Variants in PPFIBP2 observed in about 807,000 individuals in gnomAD.
PPFIBP2 encodes liprin-beta-2.
A neutral mutation model predicts 118.3 loss-of-function variants in PPFIBP2; 118 were observed. The ratio of observed to expected loss-of-function variants is 1.00; its 90% CI spans 0.86 to 1.16. PPFIBP2 has a LOEUF of 1.16. Ranked by LOEUF, PPFIBP2 falls within the 50% of genes most tolerant of loss-of-function variation. The pLI is 0.00. For missense variants in PPFIBP2, 1,195 were observed against 1,073.1 expected (o/e 1.11, Z -1.59); for synonymous variants, 414 against 397.4 (o/e 1.04, Z -0.50).
At chr11:7,559,007 C>G (rs1393091974) in intron 2 of PPFIBP2, among the ~76,000 whole-genome samples, 1 of 152,112 alleles carries the variant, frequency 6.6e-6, no homozygotes, top group Non-Finnish European at 1.5e-5. Flanking sequence ...CAGGTCACAC[C>G]TCAGACCAAT....
At chr11:7,570,385 C>G (rs1200656320) in intron 3 of PPFIBP2, among the ~76,000 whole-genome samples, 1 of 152,128 alleles carries the variant, frequency 6.6e-6, no homozygotes, top group African/African-American at 2.4e-5. Context: ...GCTTCTCTAA[C>G]AGTATGTTAT....
At chr11:7,618,685 A>G (rs1182562614) in intron 6 of PPFIBP2, among the ~76,000 whole-genome samples, 1 of 152,102 alleles carries the variant, frequency 6.6e-6, no homozygotes, top group African/African-American at 2.4e-5. Flanking sequence ...ACCTTAGCTG[A>G]GAAGTTTTCT....
At chr11:7,633,225 C>T (rs1486124939) in intron 12 of PPFIBP2, among the ~76,000 whole-genome samples, 13 of 152,214 alleles carry the variant, frequency 8.5e-5, no homozygotes, top group Non-Finnish European at 1.5e-5. Flanking sequence ...ATAGCAGCTC[C>T]TCAGAGCTGA....
intron 1 of PPFIBP2, among the ~76,000 whole-genome samples, chr11:7,533,663 C>T (rs528213325): frequency 1.8e-4 from 27 of 152,110 alleles, no homozygotes; most frequent in Non-Finnish European, 3.8e-4. Flanking sequence ...GGTTTTCTGG[C>T]AGTGGTCATT....
intron 3 of PPFIBP2, among the ~76,000 whole-genome samples, chr11:7,589,326 G>A (rs951437125): frequency 2.0e-5 from 3 of 152,148 alleles, no homozygotes; most frequent in Non-Finnish European, 2.9e-5. Context: ...AGGCACGGTG[G>A]CTCATGCCTG....
chr11:7,578,313 G>A (rs1856758181), intron 3 of PPFIBP2, among the ~76,000 whole-genome samples: 1 of 152,198 alleles, frequency 6.6e-6, no homozygotes, highest in Admixed American at 6.5e-5. Flanking sequence ...AGATAGGTAT[G>A]AATTTATTTT....
chr11:7,564,663 C>T (rs1854746680), intron 2 of PPFIBP2, among the ~76,000 whole-genome samples: 1 of 152,220 alleles, frequency 6.6e-6, no homozygotes, highest in Non-Finnish European at 1.5e-5. Flanking sequence ...CCCTGTTCCA[C>T]TTGGTGTCAG....
intron 6 of PPFIBP2, among the ~76,000 whole-genome samples, chr11:7,617,859 T>C (rs552565210): frequency 6.6e-6 from 1 of 152,346 alleles, no homozygotes; most frequent in African/African-American, 2.4e-5. Flanking sequence ...GGTGATTTTA[T>C]AACAACAGGG....
At chr11:7,625,947 A>G (rs1849950018) in intron 8 of PPFIBP2, 56 bp downstream of exon 8, 2 of 1,376,092 alleles carry the variant, frequency 1.5e-6, no homozygotes, top group South Asian at 2.4e-5. Flanking sequence ...GTCTACTCTT[A>G]TAAGTGAGCA....
chr11:7,640,311 G>A (rs985106839), intron 15 of PPFIBP2, among the ~76,000 whole-genome samples: 18 of 151,928 alleles, frequency 1.2e-4, no homozygotes, highest in Admixed American at 2.6e-4. Context: ...CCTATTCCCC[G>A]TAGGAGGGTA....
intron 1 of PPFIBP2, among the ~76,000 whole-genome samples, chr11:7,545,207 T>G (rs1852202519): frequency 6.6e-6 from 1 of 152,098 alleles, no homozygotes; most frequent in African/African-American, 2.4e-5. Flanking sequence ...GGTGGGTAGA[T>G]CACTTGAGGC....
At chr11:7,592,705 C>T (rs1242823748) in intron 3 of PPFIBP2, among the ~76,000 whole-genome samples, 3 of 152,168 alleles carry the variant, frequency 2.0e-5, no homozygotes, top group Admixed American at 1.3e-4. Context: ...TAGGAGATAC[C>T]AAGATCTGTG....
At chr11:7,627,800 T>C (rs1013166598) in intron 8 of PPFIBP2, among the ~76,000 whole-genome samples, 2 of 152,272 alleles carry the variant, frequency 1.3e-5, no homozygotes, top group African/African-American at 4.8e-5. Flanking sequence ...CATTTTAAAT[T>C]AAGCCAAGTA....
chr11:7,649,079 CT>C (rs920131918), intron 19 of PPFIBP2, 67 bp from the exon 20 acceptor site: 440 of 1,493,312 alleles, frequency 2.9e-4, no homozygotes, highest in Non-Finnish European at 3.5e-4. Context: ...ATTTGCTCCC[CT>C]TTTTTTGGTG....
intron 11 of PPFIBP2, 189 bp downstream of exon 11, chr11:7,631,217 G>A: frequency 1.8e-6 from 1 of 559,844 alleles, no homozygotes; most frequent in Non-Finnish European, 3.2e-6. Flanking sequence ...CCTGTGCTCT[G>A]GTTGGAGGCA....
intron 1 of PPFIBP2, among the ~76,000 whole-genome samples, chr11:7,548,030 A>G (rs1052184707): frequency 6.6e-6 from 1 of 152,162 alleles, no homozygotes; most frequent in East Asian, 1.9e-4. Flanking sequence ...AAAAAAAGCT[A>G]ACATATTGAA....
chr11:7,536,928 G>A (rs1461593016), intron 1 of PPFIBP2, among the ~76,000 whole-genome samples: 1 of 152,192 alleles, frequency 6.6e-6, no homozygotes, highest in Non-Finnish European at 1.5e-5. Flanking sequence ...AGTCAAGGAA[G>A]TGTGGGAAGG....
chr11:7,628,948 C>T (rs1167094311), intron 9 of PPFIBP2, among the ~76,000 whole-genome samples: 4 of 152,172 alleles, frequency 2.6e-5, no homozygotes, highest in South Asian at 2.1e-4. Flanking sequence ...AGCTTTCACA[C>T]CCAAGTTTGT....
At chr11:7,582,419 C>G (rs1449855078) in intron 3 of PPFIBP2, among the ~76,000 whole-genome samples, 8 of 152,176 alleles carry the variant, frequency 5.3e-5, no homozygotes, top group Admixed American at 2.6e-4. Context: ...AGCTAGAATT[C>G]TGCCATCTCT....
Sources: gnomAD v4.1 joint callset for allele counts (sites outside exome capture counted in the v4.1 genomes callset) on GRCh38, gnomAD v4.1.1 for gene constraint, MANE v1.5 for transcripts, NCBI Gene and HGNC (gene_info 2026-07-23, HGNC 2026-07-21) for gene names.